The following ZNF169 variants were observed in gnomAD, a reference collection of about 807,000 sequenced individuals.
ZNF169 encodes zinc finger protein 169.
A neutral mutation model predicts 12.0 loss-of-function variants in ZNF169; 11 were observed. The ratio of observed to expected loss-of-function variants is 0.92; its 90% CI spans 0.58 to 1.52. The LOEUF is 1.52. Among genes scored for constraint, ZNF169 ranks in the 40% most tolerant of loss-of-function variants. The pLI is 0.00. For synonymous variants in ZNF169, 302 were observed against 286.5 expected, an observed-to-expected ratio of 1.05 and a Z score of -0.55; for missense variants, 722 against 744.0, an observed-to-expected ratio of 0.97 and a Z score of 0.34.
In ZNF169 at chr9:94,300,572, G is replaced by A. The variant is rs1337568527; in HGVS notation, c.1014G>A (p.Arg338=). The A allele has an allele frequency of 6.2e-7, 1 of 1,614,138 alleles. No individual in the cohort carries two copies. The highest frequency in any genetic ancestry group is 1.7e-5 in the Admixed American group (1 of 60,020). ...RQKIALLLHQ[R]THLEEKPFVC... ...AGATAGCCCTCCTTCTACACCAGAG[G>A]ACGCACTTGGAGGAGAAGCCCTTCG... The change falls in exon 5 of 5, where the codon AGG becomes AGA. Residue 338 remains arginine, a synonymous_variant. Coordinates refer to ENST00000395395, the MANE Select transcript of ZNF169 (RefSeq NM_194320.4).
chr9:94,288,004 T>C (rs12235386), intron 2 of ZNF169: 67,671 of 796,310 alleles, frequency 0.085, 6,008 homozygotes, highest in East Asian at 0.32. Context: ...TCATTCACTT[T>C]AGTGTGAAAC....
chr9:94,292,609 G>T (rs1210312199), intron 3 of ZNF169, 142 bp downstream of exon 3: 18 of 180,122 alleles, frequency 1.0e-4, no homozygotes, highest in Non-Finnish European at 1.5e-4. Flanking sequence ...CAGTGCAGTT[G>T]TGTGTGTGTG....
intron 1 of ZNF169, among the ~76,000 whole-genome samples, chr9:94,263,949 G>T (rs907141510): frequency 6.6e-6 from 1 of 151,748 alleles, no homozygotes; most frequent in Non-Finnish European, 1.5e-5. Context: ...AGAGATGACA[G>T]TATATATTTG....
intron 1 of ZNF169, among the ~76,000 whole-genome samples, chr9:94,269,572 G>A (rs375698262): frequency 9.2e-5 from 14 of 152,238 alleles, no homozygotes; most frequent in East Asian, 3.9e-4. Context: ...CTTATCTCCT[G>A]GCTAGCTCAC....
chr9:94,292,605 A>ATTTT lies in ZNF169; in HGVS notation c.160+138_160+139insTTTT, dbSNP rs1564091357. ...AGAGAATGCCTGGCTTTCACAGTGCAGTTGTGTGTGTGTGTGTGTGTGTGT... is the reference window on the plus strand; with the variant it reads ...AGAGAATGCCTGGCTTTCACAGTGCATTTTGTTGTGTGTGTGTGTGTGTGTGTGT... On this transcript the variant is annotated intron_variant, in intron 3 of 4. Transcript: ENST00000395395. The ATTTT allele has an allele frequency of 1.5e-4, 96 of 661,324 alleles. No individual in the cohort carries two copies. The Middle Eastern group carries it at 2.4e-3, about 17-fold the overall frequency. 41.0% of individuals were successfully genotyped at this position (661,324 alleles called of 1,614,324 possible). A position where few individuals can be genotyped will look rare whatever the true frequency, so the allele number is the denominator to read the frequency against.
chr9:94,296,573 AG>A (rs1271035741), intron 4 of ZNF169, among the ~76,000 whole-genome samples: 1 of 152,190 alleles, frequency 6.6e-6, no homozygotes, highest in Non-Finnish European at 1.5e-5. Flanking sequence ...TAGGGGAGGA[AG>A]GGCATACAAA....
intron 2 of ZNF169, among the ~76,000 whole-genome samples, chr9:94,287,421 A>G (rs573625990): frequency 3.0e-4 from 46 of 152,306 alleles, no homozygotes; most frequent in Admixed American, 7.2e-4. Flanking sequence ...GCTGGAGTGC[A>G]GTGGCGCAAT....
chr9:94,270,946 T>C (rs181052199), intron 1 of ZNF169, among the ~76,000 whole-genome samples: 2 of 25,554 alleles, frequency 7.8e-5, no homozygotes, highest in Non-Finnish European at 1.2e-4. Context: ...TAATATATTA[T>C]ATAAATATAT....
rs1408581083 is a variant in ZNF169 at position 94,277,286 on chromosome 9, A to C, written c.-55-1472A>C. 2.0e-5 allele frequency among the ~76,000 whole-genome samples: 3 copies of C among 152,196 alleles called. No individual in the cohort carries two copies. The East Asian group carries it at 5.8e-4, about 29-fold the overall frequency. On this transcript the variant is annotated intron_variant, in intron 1 of 4. Coordinates refer to ENST00000395395, the MANE Select transcript of ZNF169 (RefSeq NM_194320.4). ...TGTGCAGAGGAAGCTCTCAGATAGCAGACTTCAGAGAGAGCAGGTTGTAAA... is the reference window on the plus strand; with the variant it reads ...TGTGCAGAGGAAGCTCTCAGATAGCCGACTTCAGAGAGAGCAGGTTGTAAA...
At chr9:94,296,070 T>C (rs529083487) in intron 4 of ZNF169, among the ~76,000 whole-genome samples, 1 of 152,360 alleles carries the variant, frequency 6.6e-6, no homozygotes, top group African/African-American at 2.4e-5. Context: ...TCAGACATTC[T>C]TATAGCTGTG....
At chr9:94,288,249 C>A in intron 2 of ZNF169, 1 of 803,064 alleles carries the variant, frequency 1.2e-6, no homozygotes, top group Non-Finnish European at 2.2e-6. Flanking sequence ...GTGAGAAGGA[C>A]GAATTGAAGG....
At chr9:94,286,011 CAA>C (rs1412138883) in intron 2 of ZNF169, among the ~76,000 whole-genome samples, 1 of 146,712 alleles carries the variant, frequency 6.8e-6, no homozygotes. Context: ...AACTCCATCT[CAA>C]AAAAAAAAGT....
intron 2 of ZNF169, among the ~76,000 whole-genome samples, chr9:94,281,713 G>A (rs1453222083): frequency 6.6e-6 from 1 of 152,122 alleles, no homozygotes; most frequent in East Asian, 1.9e-4. Flanking sequence ...AAATACATTG[G>A]TTTGGTTCAG....
intron 1 of ZNF169, among the ~76,000 whole-genome samples, chr9:94,263,171 T>A (rs981014949): frequency 6.6e-6 from 1 of 152,234 alleles, no homozygotes; most frequent in African/African-American, 2.4e-5. Context: ...TCAACTGTTG[T>A]GGCAAGGTGT....
chr9:94,291,614 T>C (rs559982065), intron 2 of ZNF169, among the ~76,000 whole-genome samples: 38 of 152,256 alleles, frequency 2.5e-4, no homozygotes, highest in Non-Finnish European at 5.1e-4. Flanking sequence ...AAGTAAAGTT[T>C]AGTCAGCTTG....
intron 1 of ZNF169, among the ~76,000 whole-genome samples, chr9:94,263,317 G>A (rs1830237560): frequency 6.6e-6 from 1 of 152,066 alleles, no homozygotes; most frequent in African/African-American, 2.4e-5. Flanking sequence ...TGAATTGACT[G>A]TTTTATTTTC....
Position 94,300,720 on chromosome 9 carries a change from C to T in ZNF169, c.1162C>T (p.Leu388Phe), listed in dbSNP as rs769827546. The T allele has an allele frequency of 7.4e-6, 12 of 1,612,264 alleles. No homozygotes were observed. Among genetic ancestry groups the T allele is most frequent in the South Asian group, 1.1e-5 (1 of 91,014 alleles). ...ECGRSFRQQS[L>F]LLSHQVTHSG... Reference sequence around the variant, plus strand: ...TGGGCGTAGCTTCAGGCAGCAGTCACTCCTCCTTAGTCACCAGGTCACACA... The same window carrying T: ...TGGGCGTAGCTTCAGGCAGCAGTCATTCCTCCTTAGTCACCAGGTCACACA... The change falls in exon 5 of 5, where the codon CTC becomes TTC. Residue 388 changes from leucine to phenylalanine, a missense_variant. Coordinates refer to ENST00000395395, the MANE Select transcript of ZNF169 (RefSeq NM_194320.4).
At chr9:94,278,025 A>C (rs1830556605) in intron 1 of ZNF169, among the ~76,000 whole-genome samples, 3 of 152,092 alleles carry the variant, frequency 2.0e-5, no homozygotes, top group Admixed American at 2.0e-4. Flanking sequence ...TGTCTCTTGT[A>C]GTCTGCTTTT....
chr9:94,292,407 G>A lies in ZNF169; in HGVS notation c.100G>A (p.Ala34Thr). ...TQKEWKLLSS[A>T]QRTLYREVML... ...GAAGGAGTGGAAGCTATTGAGTTCT[G>A]CTCAGAGGACCCTGTACAGGGAGGT... is the stretch of plus-strand genomic sequence containing the variant. The change falls in exon 3 of 5, where the codon GCT (alanine) becomes ACT (threonine). Residue 34 changes from alanine to threonine, a missense_variant. By Grantham distance (58) the Ala-to-Thr change is moderately conservative. Transcript: ENST00000395395. The A allele has an allele frequency of 1.2e-6, 2 of 1,614,164 alleles. No individual in the cohort carries two copies. The highest frequency in any genetic ancestry group is 1.7e-5 in the Admixed American group (1 of 60,022).
Sources: allele counts gnomAD v4.1 joint callset (sites outside exome capture counted in the v4.1 genomes callset), GRCh38; gene constraint gnomAD v4.1.1; transcripts MANE v1.5; gene names NCBI Gene and HGNC (gene_info 2026-07-23, HGNC 2026-07-21).